The following LRRC71 variants were observed in gnomAD, a reference collection of about 807,000 sequenced individuals.
The protein encoded by LRRC71 is leucine-rich repeat-containing protein 71.
A neutral mutation model predicts 66.6 loss-of-function variants in LRRC71; 54 were observed. The ratio of observed to expected loss-of-function variants is 0.81; its 90% confidence interval spans 0.65 to 1.02. LRRC71 has a LOEUF of 1.02. LRRC71 is among the 50% of genes least tolerant of loss of function. The probability of loss-of-function intolerance (pLI) is 0.00; values close to 1 mark genes in which losing one functional copy is unlikely to be tolerated. For synonymous variants in LRRC71, 323 were observed against 303.9 expected (o/e 1.06, Z -0.65); for missense variants, 724 against 718.0 (o/e 1.01, Z -0.10).
At chr1:156,936,495 A>ATATATATATAT (rs1330599702), downstream of LRRC71, among the ~76,000 whole-genome samples, 62 of 57,048 alleles carry the variant, frequency 1.1e-3, no homozygotes, top group East Asian at 3.4e-3. Context: ...AAAAAAAAAA[A>ATATATATATAT]AAATATATAT....
chr1:156,936,114 AT>A (rs780275676), downstream of LRRC71: 28 of 1,555,350 alleles, frequency 1.8e-5, no homozygotes, highest in African/African-American at 1.8e-4. Flanking sequence ...CCGCTTCCAC[AT>A]GTTTTGTCTA....
chr1:156,940,651 A>G, the LRRC71 span, among the ~76,000 whole-genome samples: 3 of 152,246 alleles, frequency 2.0e-5, no homozygotes, highest in Non-Finnish European at 4.4e-5. Flanking sequence ...GGAGGGACAT[A>G]CAAAAATAAG....
intron 1 of LRRC71, among the ~76,000 whole-genome samples, chr1:156,922,502 A>T (rs1235714131): frequency 2.0e-5 from 3 of 152,202 alleles, no homozygotes; most frequent in African/African-American, 7.2e-5. Flanking sequence ...ATCCTATCTA[A>T]TGGCTTTTAT....
At chr1:156,939,421 G>T in the LRRC71 span, 1 of 1,336,306 alleles carries the variant, frequency 7.5e-7, no homozygotes, top group Non-Finnish European at 1.0e-6. Context: ...CTTCTTCCAG[G>T]ACCCAGCGTA....
Position 156,929,644 on chromosome 1 carries a change from C to A in LRRC71, c.1155C>A (p.Ala385=). ...GKKKEKSWEL[A]KKEEKLGSGQ... ...TCTCACATTCTCCACAGGAATTGGC[C>A]AAGAAAGAGGAGAAGTTGGGGTCTG... Residue 385 remains alanine, a synonymous_variant, in exon 11 of 15, where the codon GCC becomes GCA. Transcript: ENST00000337428. 6.3e-7 allele frequency: 1 copy of A among 1,584,986 alleles called. No homozygotes were observed. The highest frequency in any genetic ancestry group is 8.6e-7 in the Non-Finnish European group (1 of 1,165,656).
chr1:156,929,676 C>T lies in LRRC71; in HGVS notation c.1187C>T (p.Ser396Leu). The T allele has an allele frequency of 6.3e-7, 1 of 1,586,426 alleles. No homozygotes were observed. Residue 396 changes from serine (S) to leucine (L), a missense_variant, in exon 11 of 15, where the codon TCA becomes TTA. Coordinates refer to ENST00000337428, the MANE Select transcript of LRRC71 (RefSeq NM_144702.3). ...KKEEKLGSGQ[S>L]PTQGTPKKED... Reference sequence around the variant, plus strand: ...GAGGAGAAGTTGGGGTCTGGGCAGTCACCCACACAAGGAACCCCTAAGAAG... The same window carrying T: ...GAGGAGAAGTTGGGGTCTGGGCAGTTACCCACACAAGGAACCCCTAAGAAG...
chr1:156,940,101 C>A, the LRRC71 span: 2 of 1,428,540 alleles, frequency 1.4e-6, no homozygotes, highest in Non-Finnish European at 1.9e-6. Context: ...TCCTCAAGCA[C>A]ACCAGGAAGA....
the LRRC71 span, chr1:156,938,529 C>G: frequency 1.2e-6 from 2 of 1,610,478 alleles, no homozygotes; most frequent in Non-Finnish European, 1.7e-6. Context: ...CCGACACCAC[C>G]ACCACCAGGA....
intron 9 of LRRC71, among the ~76,000 whole-genome samples, chr1:156,928,687 C>A (rs967694473): frequency 6.7e-6 from 1 of 149,410 alleles, no homozygotes; most frequent in Non-Finnish European, 1.5e-5. Context: ...TTTTCTGCCT[C>A]AGCCTCCTGA....
chr1:156,936,771 T>C (rs1325039324), downstream of LRRC71: 2 of 1,581,452 alleles, frequency 1.3e-6, no homozygotes, highest in East Asian at 2.2e-5. Flanking sequence ...GTTGGCAGAC[T>C]TCTCCCCCAA....
At chr1:156,921,760 CACAG>C in intron 1 of LRRC71, 1 of 453,640 alleles carries the variant, frequency 2.2e-6, no homozygotes, top group South Asian at 9.7e-5. Context: ...CACACACACA[CACAG>C]ACATGGCTGC....
At chr1:156,925,267 A>G (rs1372267773) in intron 5 of LRRC71, among the ~76,000 whole-genome samples, 5 of 152,168 alleles carry the variant, frequency 3.3e-5, no homozygotes, top group Admixed American at 2.6e-4. Context: ...CCCCTGCATT[A>G]GTCTCATTAC....
downstream of LRRC71, chr1:156,937,600 C>T: frequency 8.0e-7 from 1 of 1,243,954 alleles, no homozygotes; most frequent in Non-Finnish European, 1.1e-6. Context: ...GCAGGCCAGG[C>T]AGTCCTCTCC....
downstream of LRRC71, chr1:156,933,122 T>C: frequency 1.7e-6 from 1 of 595,358 alleles, no homozygotes; most frequent in South Asian, 2.2e-5. Context: ...CTTCCAGAAC[T>C]ACTTGGAACA....
At chr1:156,939,863 T>C in the LRRC71 span, 67 of 1,610,824 alleles carry the variant, frequency 4.2e-5, no homozygotes, top group African/African-American at 7.7e-4. Flanking sequence ...GTTTCCATGG[T>C]GTGACCTGGC....
At chr1:156,938,306 C>T in the LRRC71 span, 1 of 952,880 alleles carries the variant, frequency 1.0e-6, no homozygotes, top group African/African-American at 1.7e-5. Flanking sequence ...TTCCAGGCAG[C>T]TGAGGGAGCT....
chr1:156,936,099 G>A (rs1655018148), downstream of LRRC71: 1 of 1,591,188 alleles, frequency 6.3e-7, no homozygotes, highest in East Asian at 2.2e-5. Context: ...GCCAGCCTGA[G>A]GTGACCGCTT....
chr1:156,926,124 G>C (rs1266516644), intron 5 of LRRC71, among the ~76,000 whole-genome samples: 1 of 152,226 alleles, frequency 6.6e-6, no homozygotes, highest in Non-Finnish European at 1.5e-5. Flanking sequence ...CATTCTTACA[G>C]CACTGTTAGA....
At chr1:156,925,511 G>A (rs1653055662) in intron 5 of LRRC71, among the ~76,000 whole-genome samples, 1 of 152,234 alleles carries the variant, frequency 6.6e-6, no homozygotes, top group Non-Finnish European at 1.5e-5. Flanking sequence ...TTATGGATGT[G>A]AGGCAGGAAG....
Sources: allele counts gnomAD v4.1 joint callset (sites outside exome capture counted in the v4.1 genomes callset), GRCh38; gene constraint gnomAD v4.1.1; transcripts MANE v1.5; gene names NCBI Gene and HGNC (gene_info 2026-07-23, HGNC 2026-07-21).